The following RAPGEF6 variants were observed in gnomAD, a reference collection of about 807,000 sequenced individuals.
RAPGEF6 encodes the protein PDZ domain containing guanine nucleotide exchange factor (GEF) 2.
RAPGEF6 carries 56 observed loss-of-function variants against 171.4 expected under a neutral mutation model. The ratio of observed to expected loss-of-function variants is 0.33; its 90% confidence interval spans 0.26 to 0.41. The LOEUF is 0.41. Among genes scored for constraint, RAPGEF6 ranks in the 10% least tolerant of loss-of-function variants. The pLI is 1.00. For synonymous variants in RAPGEF6, 692 were observed against 650.1 expected (o/e 1.06, Z -0.98); for missense variants, 1,674 against 1,921.4 (o/e 0.87, Z 2.41).
At chr5:131,620,964 A>T (rs1384118881) in intron 1 of RAPGEF6, among the ~76,000 whole-genome samples, 1 of 152,194 alleles carries the variant, frequency 6.6e-6, no homozygotes, top group East Asian at 1.9e-4. Flanking sequence ...TAATAAGGAG[A>T]ACACAATTCC....
At chr5:131,634,657 G>A (rs1258014012) in intron 1 of RAPGEF6, among the ~76,000 whole-genome samples, 1 of 152,108 alleles carries the variant, frequency 6.6e-6, no homozygotes, top group Admixed American at 6.5e-5. Context: ...AAACGAATGG[G>A]CATCTAACTG....
intron 1 of RAPGEF6, among the ~76,000 whole-genome samples, chr5:131,620,269 A>G (rs1240779782): frequency 6.6e-6 from 1 of 152,168 alleles, no homozygotes; most frequent in African/African-American, 2.4e-5. Context: ...TTCCACATCC[A>G]TAGCTTCAAC....
At chr5:131,430,669 G>A (rs775346757) in intron 26 of RAPGEF6, 190 bp downstream of exon 26, 2 of 794,866 alleles carry the variant, frequency 2.5e-6, no homozygotes, top group African/African-American at 3.4e-5. Context: ...ATTTTAATGG[G>A]GTTGAATAGC....
At chr5:131,614,436 G>A (rs201082678) in intron 1 of RAPGEF6, among the ~76,000 whole-genome samples, 3 of 152,116 alleles carry the variant, frequency 2.0e-5, no homozygotes, top group East Asian at 1.9e-4. Context: ...ATGGTGGAAG[G>A]TGAAAGGGAA....
At chr5:131,541,244 G>A (rs1410358569) in intron 6 of RAPGEF6, among the ~76,000 whole-genome samples, 1 of 152,186 alleles carries the variant, frequency 6.6e-6, no homozygotes, top group Non-Finnish European at 1.5e-5. Context: ...TGGATGAATG[G>A]ACTCTTGGGA....
At chr5:131,613,696 T>C (rs1429349815) in intron 1 of RAPGEF6, among the ~76,000 whole-genome samples, 1 of 152,102 alleles carries the variant, frequency 6.6e-6, no homozygotes, top group Non-Finnish European at 1.5e-5. Flanking sequence ...TGGTCAAAAA[T>C]AGCTACAGTG....
intron 5 of RAPGEF6, among the ~76,000 whole-genome samples, chr5:131,553,594 G>A (rs548943750): frequency 1.5e-4 from 22 of 151,166 alleles, no homozygotes; most frequent in Non-Finnish European, 2.2e-4. Context: ...AATTTTAGCA[G>A]ACAAAATAAA....
intron 3 of RAPGEF6, among the ~76,000 whole-genome samples, chr5:131,599,023 A>T (rs187831710): frequency 6.6e-6 from 1 of 152,300 alleles, no homozygotes; most frequent in African/African-American, 2.4e-5. Flanking sequence ...CAAAACACAC[A>T]GCTTAGGCCG....
chr5:131,534,930 C>G (rs1759663957), intron 6 of RAPGEF6, among the ~76,000 whole-genome samples: 1 of 152,000 alleles, frequency 6.6e-6, no homozygotes, highest in Non-Finnish European at 1.5e-5. Flanking sequence ...ACACCTTTCC[C>G]CCTTTTTATA....
At chr5:131,442,230 T>C (rs1166298774) in intron 23 of RAPGEF6, 119 bp downstream of exon 23, 1 of 956,450 alleles carries the variant, frequency 1.0e-6, no homozygotes, top group African/African-American at 1.7e-5. Context: ...ATTCATAAAG[T>C]GACGATTATA....
At chr5:131,541,057 A>T (rs184958263) in intron 6 of RAPGEF6, among the ~76,000 whole-genome samples, 8 of 152,352 alleles carry the variant, frequency 5.3e-5, no homozygotes, top group East Asian at 1.9e-4. Context: ...AACATTATAT[A>T]AAAAATACAG....
intron 17 of RAPGEF6, among the ~76,000 whole-genome samples, chr5:131,465,484 T>TA (rs1358473211): frequency 1.3e-5 from 2 of 152,100 alleles, no homozygotes; most frequent in Non-Finnish European, 2.9e-5. Flanking sequence ...GTTTCCTTTT[T>TA]AAAAAAATTA....
At chr5:131,582,876 G>C (rs1763046486) in intron 4 of RAPGEF6, among the ~76,000 whole-genome samples, 1 of 152,130 alleles carries the variant, frequency 6.6e-6, no homozygotes, top group South Asian at 2.1e-4. Context: ...AGAAGAGTAA[G>C]GCACTTTCTT....
At chr5:131,494,087 T>C (rs1259891383) in intron 13 of RAPGEF6, among the ~76,000 whole-genome samples, 1 of 152,248 alleles carries the variant, frequency 6.6e-6, no homozygotes, top group Non-Finnish European at 1.5e-5. Flanking sequence ...ACAGGTTTTG[T>C]GTACAGACTG....
intron 23 of RAPGEF6, among the ~76,000 whole-genome samples, chr5:131,441,161 G>C (rs10463887): frequency 0.22 from 33,363 of 152,124 alleles, 4,005 homozygotes; most frequent in East Asian, 0.49. Context: ...AAGCTGTTTA[G>C]TACAGTGGTT....
chr5:131,587,888 A>G (rs1017842465), intron 4 of RAPGEF6, among the ~76,000 whole-genome samples: 1 of 152,088 alleles, frequency 6.6e-6, no homozygotes, highest in African/African-American at 2.4e-5. Flanking sequence ...GCCAAGAAAA[A>G]TCTGGAAAGG....
intron 6 of RAPGEF6, among the ~76,000 whole-genome samples, chr5:131,539,387 T>G (rs912196495): frequency 6.6e-6 from 1 of 152,330 alleles, no homozygotes; most frequent in Middle Eastern, 3.4e-3. Context: ...CTCCTAATGA[T>G]TGATCCAACA....
chr5:131,523,824 A>C lies in RAPGEF6; in HGVS notation c.496-2303T>G, dbSNP rs569093459. Among the ~76,000 whole-genome samples the C allele has an allele frequency of 3.7e-3, 560 of 151,486 alleles. 4 individuals carry two copies. Among genetic ancestry groups the C allele is most frequent in the African/African-American group, 0.013 (530 of 41,274 alleles). ...AACAAACAAACAAAAAACCCACCCC[A>C]AAACAAACAATCCCCCCATACCTAT... On this transcript the variant is annotated intron_variant, in intron 6 of 27. Transcript: ENST00000509018.
chr5:131,590,743 T>G (rs1174571106), intron 4 of RAPGEF6, among the ~76,000 whole-genome samples: 2 of 152,226 alleles, frequency 1.3e-5, no homozygotes, highest in African/African-American at 4.8e-5. Flanking sequence ...AAAGATAAAC[T>G]TCATTGTCTT....
Sources: allele counts gnomAD v4.1 joint callset (sites outside exome capture counted in the v4.1 genomes callset), GRCh38; gene constraint gnomAD v4.1.1; transcripts MANE v1.5; gene names NCBI Gene and HGNC (gene_info 2026-07-23, HGNC 2026-07-21).